CCDC92: variants seen among roughly 807,000 people sequenced by gnomAD.
CCDC92 encodes coiled-coil domain-containing protein 92.
A neutral mutation model predicts 24.9 loss-of-function variants in CCDC92; 12 were observed. That is an observed-to-expected ratio of 0.48 (90% CI 0.31 to 0.78). The LOEUF is 0.78. Among genes scored for constraint, CCDC92 ranks in the 30% least tolerant of loss-of-function variants. The pLI is 0.05. For synonymous variants in CCDC92, 193 were observed against 196.3 expected (o/e 0.98, Z 0.14); for missense variants, 399 against 439.4 (o/e 0.91, Z 0.82).
chr12:123,957,740 G>A (rs1280008689), intron 1 of CCDC92, among the ~76,000 whole-genome samples: 15 of 103,172 alleles, frequency 1.5e-4, no homozygotes, highest in Middle Eastern at 0.012. Flanking sequence ...GGGGGGTCTC[G>A]CTTTGTCGCC....
intron 1 of CCDC92, among the ~76,000 whole-genome samples, chr12:123,967,650 C>A (rs953457441): frequency 6.6e-6 from 1 of 152,328 alleles, no homozygotes; most frequent in East Asian, 1.9e-4. Flanking sequence ...AGAGATGGAA[C>A]TTTCTCTTGG....
At chr12:123,942,862 G>C in intron 3 of CCDC92, 77 bp from the exon 4 acceptor site, 1 of 1,146,868 alleles carries the variant, frequency 8.7e-7, no homozygotes, top group Non-Finnish European at 1.3e-6. Context: ...ATGCAAAACC[G>C]ATTCCCACGA....
intron 3 of CCDC92, 134 bp downstream of exon 3, chr12:123,943,213 A>G: frequency 1.2e-6 from 1 of 817,820 alleles, no homozygotes; most frequent in South Asian, 1.8e-5. Flanking sequence ...AATGAGGATG[A>G]TATAAGGCAT....
At chr12:123,957,675 T>C (rs1956178476) in intron 1 of CCDC92, among the ~76,000 whole-genome samples, 3 of 151,304 alleles carry the variant, frequency 2.0e-5, no homozygotes, top group South Asian at 4.2e-4. Flanking sequence ...TTACGGATGA[T>C]CACTTAATTC....
chr12:123,941,690 G>A (rs1032369682), intron 4 of CCDC92, among the ~76,000 whole-genome samples: 2 of 152,226 alleles, frequency 1.3e-5, no homozygotes, highest in African/African-American at 4.8e-5. Context: ...CGCCTGCGCA[G>A]GGCTGAGCGA....
chr12:123,945,272 A>C (rs1284711193), intron 1 of CCDC92: 1 of 152,244 alleles, frequency 6.6e-6, no homozygotes, highest in East Asian at 1.9e-4. Flanking sequence ...AGCCGTGAGC[A>C]GCATTCCGGC....
intron 1 of CCDC92, among the ~76,000 whole-genome samples, chr12:123,967,568 G>A (rs866320311): frequency 6.6e-5 from 10 of 152,190 alleles, no homozygotes; most frequent in African/African-American, 1.9e-4. Context: ...GGTATGGCAC[G>A]AGCCTAACCT....
chr12:123,943,239 C>T, intron 3 of CCDC92, 108 bp downstream of exon 3: 2 of 1,236,268 alleles, frequency 1.6e-6, no homozygotes, highest in South Asian at 1.4e-5. Flanking sequence ...TGGACTCCTG[C>T]AACGATGATG....
At chr12:123,971,978 G>A (rs1020311810) in intron 1 of CCDC92, 1 of 152,310 alleles carries the variant, frequency 6.6e-6, no homozygotes, top group Non-Finnish European at 1.5e-5. Context: ...CATTTAAAAA[G>A]GCGATGTGGA....
chr12:123,937,598 G>A lies in CCDC92; in HGVS notation c.456C>T (p.Ala152=). Reference sequence around the variant, plus strand: ...GGGAGGTCAGGTAGGCGATGGTGCTGGCCCGCTGCTCCAGCTCGCTAGACA... The same window carrying A: ...GGGAGGTCAGGTAGGCGATGGTGCTAGCCCGCTGCTCCAGCTCGCTAGACA... ...TLLSSELEQR[A]STIAYLTSQL... Residue 152 remains alanine (A), a synonymous_variant, in exon 5 of 5, where the codon GCC becomes GCT. Coordinates refer to ENST00000238156, the MANE Select transcript of CCDC92 (RefSeq NM_025140.3). The surrounding 1 kb of genome is among the most constrained non-coding windows in gnomAD (Gnocchi z 8.4). 6 of 1,613,502 alleles carry A rather than the reference G, an allele frequency of 3.7e-6. No homozygotes were observed. The highest frequency in any genetic ancestry group is 5.1e-6 in the Non-Finnish European group (6 of 1,180,002).
At chr12:123,939,563 G>T (rs2137873315) in intron 4 of CCDC92, among the ~76,000 whole-genome samples, 1 of 152,316 alleles carries the variant, frequency 6.6e-6, no homozygotes, top group African/African-American at 2.4e-5. Context: ...TACTGAATGG[G>T]TATTGCCCCA....
At chr12:123,949,835 G>A (rs779183764) in intron 1 of CCDC92, among the ~76,000 whole-genome samples, 8 of 152,260 alleles carry the variant, frequency 5.3e-5, no homozygotes, top group Non-Finnish European at 7.3e-5. Context: ...ACGTGTCTGA[G>A]GAAGGCCCGG....
At chr12:123,955,296 A>G (rs897756080) in intron 1 of CCDC92, among the ~76,000 whole-genome samples, 2 of 152,268 alleles carry the variant, frequency 1.3e-5, no homozygotes, top group Admixed American at 1.3e-4. Context: ...TAAGCAGTTC[A>G]TATCCAACTG....
chr12:123,972,120 G>C (rs770559904), intron 1 of CCDC92: 1 of 152,078 alleles, frequency 6.6e-6, no homozygotes, highest in African/African-American at 2.4e-5. Context: ...CCCCGGGACC[G>C]GCCTCTCCTC....
At position 123,937,156 on chromosome 12, in the gene CCDC92, GGGTGGCGT is replaced by G; in HGVS notation, c.890_897del (p.His297ProfsTer113). The G allele has an allele frequency of 6.2e-7, 1 of 1,611,628 alleles. No homozygotes were observed. Among genetic ancestry groups the G allele is most frequent in the Non-Finnish European group, 8.5e-7 (1 of 1,179,892 alleles). On this transcript the variant is annotated frameshift_variant, in exon 5 of 5. Coordinates refer to ENST00000238156, the MANE Select transcript of CCDC92 (RefSeq NM_025140.3). LOFTEE classifies it high-confidence loss of function. This position sits in a 1 kb window ranked among gnomAD's most constrained non-coding sequence, Gnocchi z 8.4. Reference sequence around the variant, plus strand: ...TTCACCTCGGGCTGGGCCTGCGGCGGGGTGGCGTGGTGGATCCGATGTGCCACCCCGAC... The same window carrying G: ...TTCACCTCGGGCTGGGCCTGCGGCGGGGTGGATCCGATGTGCCACCCCGAC...
chr12:123,939,864 C>T (rs1235741434), intron 4 of CCDC92, among the ~76,000 whole-genome samples: 3 of 152,230 alleles, frequency 2.0e-5, no homozygotes, highest in Non-Finnish European at 2.9e-5. Flanking sequence ...CTGACCTGGG[C>T]ACGGCATTGG....
At chr12:123,945,070 T>C (rs1955804936) in intron 1 of CCDC92, 1 of 152,136 alleles carries the variant, frequency 6.6e-6, no homozygotes, top group Non-Finnish European at 1.5e-5. Context: ...ACAGTGCAGT[T>C]TGCAGTTGGA....
chr12:123,939,788 G>A (rs531716999), intron 4 of CCDC92, among the ~76,000 whole-genome samples: 3 of 152,320 alleles, frequency 2.0e-5, no homozygotes, highest in African/African-American at 4.8e-5. Flanking sequence ...ACACACACAC[G>A]ACTCTGTAGA....
chr12:123,945,514 G>C (rs1955819714), intron 1 of CCDC92: 1 of 152,320 alleles, frequency 6.6e-6, no homozygotes, highest in Admixed American at 6.5e-5. Context: ...CGTGCTTGCT[G>C]TGGAAAGGGT....
Sources: allele counts gnomAD v4.1 joint callset (sites outside exome capture counted in the v4.1 genomes callset), GRCh38; gene constraint gnomAD v4.1.1; non-coding constraint Gnocchi (gnomAD v3.1); transcripts MANE v1.5; gene names NCBI Gene and HGNC (gene_info 2026-07-23, HGNC 2026-07-21).